The following PLCG1 variants were observed in gnomAD, a reference collection of about 807,000 sequenced individuals.
The protein encoded by PLCG1 is 1-phosphatidylinositol 4,5-bisphosphate phosphodiesterase gamma-1.
In PLCG1, 71 loss-of-function variants were observed where a neutral mutation model predicts 177.8. The observed-to-expected ratio is 0.40, with a 90% CI of 0.33 to 0.49. The LOEUF (loss-of-function observed/expected upper bound fraction) is 0.49. Among genes scored for constraint, PLCG1 ranks in the 20% least tolerant of loss-of-function variants. The probability of loss-of-function intolerance (pLI) is 0.72; values close to 1 mark genes in which losing one functional copy is unlikely to be tolerated. For synonymous variants in PLCG1, 658 were observed against 647.9 expected (o/e 1.02, Z -0.24); for missense variants, 1,281 against 1,709.0 (o/e 0.75, Z 4.42).
chr20:41,165,425 C>T lies in PLCG1; in HGVS notation c.1510-25C>T. The stretch of plus-strand genomic sequence containing the variant: ...CAGTGGGTGTGAGGACCCTGGCTCA[C>T]AAGTCCCTCTTTGGTCTGTTCCAGG... On this transcript the variant is annotated intron_variant, in intron 14 of 31. Transcript: ENST00000685551. This position sits in a 1 kb window ranked among gnomAD's most constrained non-coding sequence, Gnocchi z 6.6. 1 of 1,613,890 alleles carries T rather than the reference C, an allele frequency of 6.2e-7. No homozygotes were observed. The highest frequency in any genetic ancestry group is 8.5e-7 in the Non-Finnish European group (1 of 1,179,814).
chr20:41,165,871 C>A lies in PLCG1; in HGVS notation c.1799+45C>A. 1.5e-6 allele frequency: 2 copies of A among 1,378,698 alleles called. No homozygotes were observed. Among genetic ancestry groups the A allele is most frequent in the Non-Finnish European group, 2.0e-6 (2 of 1,001,760 alleles). 85.4% of individuals were successfully genotyped at this position (1,378,698 alleles called of 1,614,324 possible). On this transcript the variant is annotated intron_variant, in intron 16 of 31. Coordinates refer to ENST00000685551, the MANE Select transcript of PLCG1 (RefSeq NM_002660.3). The surrounding 1 kb of genome is among the most constrained non-coding windows in gnomAD (Gnocchi z 6.6). ...TGCGTATGTTCAGTCAGCGTGTGTA[C>A]ACAGACATCACATCACCCAGAGATA...
chr20:41,170,551 C>T (rs1216068975), intron 24 of PLCG1: 2 of 352,870 alleles, frequency 5.7e-6, no homozygotes, highest in Non-Finnish European at 1.0e-5. Context: ...GAGGAGAAGT[C>T]CTGGGCTGGA....
chr20:41,168,041 GT>G lies in PLCG1; in HGVS notation c.2379+116del. The G allele has an allele frequency of 1.0e-5, 8 of 784,846 alleles. No homozygotes were observed. In the South Asian group the frequency reaches 1.1e-4, roughly 10 times the overall value. 48.6% of individuals were successfully genotyped at this position (784,846 alleles called of 1,614,324 possible). On this transcript the variant is annotated intron_variant, in intron 20 of 31. Transcript: ENST00000685551. ...TCTTTGTGGAGAAGTGGTGGTTGTG[GT>G]TTTCCGAGGCCCAAGAGGTTGTGAG...
chr20:41,154,269 G>A (rs1327832575), intron 1 of PLCG1, among the ~76,000 whole-genome samples: 1 of 152,206 alleles, frequency 6.6e-6, no homozygotes, highest in Non-Finnish European at 1.5e-5. Context: ...ATTTGGAAGT[G>A]GCTTTTTTGA....
rs1028829569 is a variant in PLCG1, at chr20:41,173,278, G to A, written c.3280-142G>A. The A allele has an allele frequency of 5.5e-5, 45 of 820,062 alleles. 1 individual carries two copies. The highest frequency in any genetic ancestry group is 7.9e-5 in the Non-Finnish European group (42 of 533,646). 50.8% of individuals were successfully genotyped at this position (820,062 alleles called of 1,614,324 possible). ...TGGACAGCTTAGGGTCCCTGATGTC[G>A]TGAGGGACTCCATGGGCAGTGTCCC... On this transcript the variant is annotated intron_variant, in intron 27 of 31. Coordinates refer to ENST00000685551, the MANE Select transcript of PLCG1 (RefSeq NM_002660.3). The surrounding 1 kb of genome is among the most constrained non-coding windows in gnomAD (Gnocchi z 6.2).
In PLCG1 at chr20:41,144,870, C is replaced by CA. The variant is rs1276136646; in HGVS notation, c.217+7018dup. ...CATACCTACTCTCCTTAAAAAAAAA[C>CA]AAAAAACTAGCTTTCTTGGGCCTCA... On this transcript the variant is annotated intron_variant, in intron 1 of 31. Transcript: ENST00000685551. This position sits in a 1 kb window ranked among gnomAD's most constrained non-coding sequence, Gnocchi z 4.1. Among the ~76,000 whole-genome samples the CA allele has an allele frequency of 1.3e-5, 2 of 151,842 alleles. No individual in the cohort carries two copies. Among genetic ancestry groups the CA allele is most frequent in the Non-Finnish European group, 2.9e-5 (2 of 67,952 alleles).
Position 41,153,176 on chromosome 20 carries a change from GT to G in PLCG1, c.218-6423del, listed in dbSNP as rs1006885593. 6.6e-6 allele frequency among the ~76,000 whole-genome samples: 1 copy of G among 152,182 alleles called. No individual in the cohort carries two copies. Among genetic ancestry groups the G allele is most frequent in the Admixed American group, 6.5e-5 (1 of 15,286 alleles). ...CCTTTCATATTTACTATGAGTTGCA[GT>G]TTTTTTAAGTTACAAAATTTCTTTA... On this transcript the variant is annotated intron_variant, in intron 1 of 31. Transcript: ENST00000685551. This position sits in a 1 kb window ranked among gnomAD's most constrained non-coding sequence, Gnocchi z 5.1.
At chr20:41,142,749 T>C (rs2034868667) in intron 1 of PLCG1, among the ~76,000 whole-genome samples, 1 of 152,202 alleles carries the variant, frequency 6.6e-6, no homozygotes. Context: ...TTAAATGGCA[T>C]TTATTTTATA....
Position 41,160,280 on chromosome 20 carries a change from G to A in PLCG1, c.512+127G>A. On this transcript the variant is annotated intron_variant, in intron 4 of 31. Coordinates refer to ENST00000685551, the MANE Select transcript of PLCG1 (RefSeq NM_002660.3). The surrounding 1 kb of genome is among the most constrained non-coding windows in gnomAD (Gnocchi z 5.5). ...GGACCTTAAGTGGGGCCAGGAGGGT[G>A]GGCAGAAGGTTCTGCCACGTGTAGC... is the stretch of plus-strand genomic sequence containing the variant. 2.4e-6 allele frequency: 2 copies of A among 822,874 alleles called. No homozygotes were observed. Among genetic ancestry groups the A allele is most frequent in the Admixed American group, 3.9e-5 (2 of 51,922 alleles). The allele number at this position is 822,874 out of a possible 1,614,324, so 51.0% of individuals were successfully genotyped here.
In PLCG1 at chr20:41,172,672, G is replaced by C. The variant is rs757626077; in HGVS notation, c.3130+27G>C. Reference sequence around the variant, plus strand: ...TGAGGAAGTCCCCTGTGAGGAGGGTGAGGAGGGGCACTGTGGGGCAGCTGG... The same window carrying C: ...TGAGGAAGTCCCCTGTGAGGAGGGTCAGGAGGGGCACTGTGGGGCAGCTGG... On this transcript the variant is annotated intron_variant, in intron 26 of 31. Transcript: ENST00000685551. This position sits in a 1 kb window ranked among gnomAD's most constrained non-coding sequence, Gnocchi z 7.0. The C allele has an allele frequency of 8.1e-6, 13 of 1,612,938 alleles. No individual in the cohort carries two copies. The highest frequency in any genetic ancestry group is 3.3e-5 in the Admixed American group (2 of 59,990).
In PLCG1 at chr20:41,164,310, C is replaced by G; in HGVS notation, c.1217+109C>G. ...AAATGCCCTGTCCCCTCTCCCTCAG[C>G]CTTTCATCTTTGTCCTTCCTCTTGG... On this transcript the variant is annotated intron_variant, in intron 12 of 31. Transcript: ENST00000685551. The surrounding 1 kb of genome is among the most constrained non-coding windows in gnomAD (Gnocchi z 6.4). The G allele has an allele frequency of 8.8e-7, 1 of 1,136,650 alleles. No individual in the cohort carries two copies. The allele number at this position is 1,136,650 out of a possible 1,614,324, so 70.4% of individuals were successfully genotyped here. A position where few individuals can be genotyped will look rare whatever the true frequency, so the allele number is the denominator to read the frequency against.
Position 41,174,050 on chromosome 20 carries a change from G to C in PLCG1, c.3645+39G>C. ...GGGTGGGCTGGCCTGGGGTAGGTGGGAGGAGAGCCAGGCAGCAGCCTCTAG... is the reference window on the plus strand; with the variant it reads ...GGGTGGGCTGGCCTGGGGTAGGTGGCAGGAGAGCCAGGCAGCAGCCTCTAG... On this transcript the variant is annotated intron_variant, in intron 30 of 31. Coordinates refer to ENST00000685551, the MANE Select transcript of PLCG1 (RefSeq NM_002660.3). This position sits in a 1 kb window ranked among gnomAD's most constrained non-coding sequence, Gnocchi z 5.8. 1 of 1,606,670 alleles carries C rather than the reference G, an allele frequency of 6.2e-7. No individual in the cohort carries two copies.
Position 41,167,680 on chromosome 20 carries a change from T to G in PLCG1, c.2302-172T>G, listed in dbSNP as rs896332004. Reference sequence around the variant, plus strand: ...AATGTGAAGAAAGGAAAGGGAACAGTGAGGCCGGGCCTGAGGCCTCTGAAG... The same window carrying G: ...AATGTGAAGAAAGGAAAGGGAACAGGGAGGCCGGGCCTGAGGCCTCTGAAG... On this transcript the variant is annotated intron_variant, in intron 19 of 31. Transcript: ENST00000685551. This position sits in a 1 kb window ranked among gnomAD's most constrained non-coding sequence, Gnocchi z 4.4. 10 of 601,144 alleles carry G rather than the reference T, an allele frequency of 1.7e-5. No homozygotes were observed. The highest frequency in any genetic ancestry group is 2.7e-5 in the Non-Finnish European group (9 of 335,784). The allele number at this position is 601,144 out of a possible 1,614,324, so 37.2% of individuals were successfully genotyped here.
In PLCG1 at chr20:41,162,767, C is replaced by T. The variant is rs781017424; in HGVS notation, c.681+42C>T. ...CCCTCCCTCAACCCCTGCCCCTGCTCTTCCACCCCACACCCCAGCTCTGCC... is the reference window on the plus strand; with the variant it reads ...CCCTCCCTCAACCCCTGCCCCTGCTTTTCCACCCCACACCCCAGCTCTGCC... On this transcript the variant is annotated intron_variant, in intron 6 of 31. Transcript: ENST00000685551. 1.3e-5 allele frequency: 19 copies of T among 1,514,904 alleles called. No homozygotes were observed. The South Asian group carries it at 2.1e-4, about 17-fold the overall frequency. The allele number at this position is 1,514,904 out of a possible 1,614,324, so 93.8% of individuals were successfully genotyped here.
chr20:41,145,437 A>G (rs1290198419), intron 1 of PLCG1, among the ~76,000 whole-genome samples: 4 of 152,170 alleles, frequency 2.6e-5, no homozygotes, highest in African/African-American at 9.6e-5. Context: ...TGAAATAGGT[A>G]TATTTGTGTG....
At chr20:41,161,458 C>T (rs2035492720) in intron 4 of PLCG1, among the ~76,000 whole-genome samples, 1 of 152,136 alleles carries the variant, frequency 6.6e-6, no homozygotes, top group Non-Finnish European at 1.5e-5. Flanking sequence ...TGTTCGTATG[C>T]TGATGGGAAA....
At chr20:41,149,837 A>G (rs1236495662) in intron 1 of PLCG1, among the ~76,000 whole-genome samples, 2 of 152,300 alleles carry the variant, frequency 1.3e-5, no homozygotes, top group Middle Eastern at 6.8e-3. Flanking sequence ...CAGAGCTTCA[A>G]GGAGAGAGGG....
intron 1 of PLCG1, among the ~76,000 whole-genome samples, chr20:41,142,930 C>G (rs2034875526): frequency 6.6e-6 from 1 of 152,124 alleles, no homozygotes; most frequent in Non-Finnish European, 1.5e-5. Context: ...TCGAATGCAC[C>G]TGCTGTCCTA....
In PLCG1 at chr20:41,175,869, CCCT is replaced by C. The variant is rs1435241236; in HGVS notation, c.*1365_*1367del. The C allele has an allele frequency of 1.3e-5, 2 of 152,496 alleles. No individual in the cohort carries two copies. The highest frequency in any genetic ancestry group is 4.8e-5 in the African/African-American group (2 of 41,430). 9.4% of individuals were successfully genotyped at this position (152,496 alleles called of 1,614,324 possible). On this transcript the variant is annotated 3_prime_UTR_variant, in exon 32 of 32. Coordinates refer to ENST00000685551, the MANE Select transcript of PLCG1 (RefSeq NM_002660.3). ...CAGGTTAAGCAGCAAGAGCTGTAACCCCTCCTCTGGGCTAACAGGAGTTGTGGG... is the reference window on the plus strand; with the variant it reads ...CAGGTTAAGCAGCAAGAGCTGTAACCCCTCTGGGCTAACAGGAGTTGTGGG...
Sources: gnomAD v4.1 joint callset for allele counts (sites outside exome capture counted in the v4.1 genomes callset) on GRCh38, gnomAD v4.1.1 for gene constraint, Gnocchi (gnomAD v3.1) non-coding constraint, MANE v1.5 for transcripts, NCBI Gene and HGNC (gene_info 2026-07-23, HGNC 2026-07-21) for gene names.